CREBBP: variants seen among roughly 807,000 people sequenced by gnomAD.
The protein encoded by CREBBP is CREB-binding protein.
Under a neutral mutation model 265.0 loss-of-function variants are expected in CREBBP, and 19 were observed. That is an observed-to-expected ratio of 0.07 (90% CI 0.05 to 0.11). CREBBP has a LOEUF of 0.11. Ranked by LOEUF, CREBBP falls within the 10% of genes least tolerant of loss-of-function variation. The pLI is 1.00. For missense variants in CREBBP, 2,525 were observed against 3,219.0 expected (o/e 0.78, Z 5.22); for synonymous variants, 1,457 against 1,223.7 (o/e 1.19, Z -3.98).
intron 1 of CREBBP, 86 bp downstream of exon 1, chr16:3,879,746 T>G (rs2055485403): frequency 7.1e-7 from 1 of 1,407,316 alleles, no homozygotes; most frequent in Admixed American, 2.0e-5. Flanking sequence ...TCGATCGGTA[T>G]CCGCGACCAC....
intron 1 of CREBBP, among the ~76,000 whole-genome samples, chr16:3,875,359 T>C (rs1004269094): frequency 2.0e-5 from 3 of 152,180 alleles, no homozygotes; most frequent in African/African-American, 7.2e-5. Context: ...CCTAAAAGTC[T>C]CTATGACAAC....
chr16:3,864,892 C>A (rs1597077725), intron 1 of CREBBP, among the ~76,000 whole-genome samples: 1 of 152,340 alleles, frequency 6.6e-6, no homozygotes, highest in South Asian at 2.1e-4. Flanking sequence ...CATGGCAAAA[C>A]CCCTCCTTTA....
chr16:3,744,483 T>C (rs562189664), intron 23 of CREBBP, among the ~76,000 whole-genome samples: 4 of 152,318 alleles, frequency 2.6e-5, no homozygotes, highest in African/African-American at 9.6e-5. Context: ...AATGCTGACT[T>C]TCATATAACA....
At chr16:3,735,548 G>T (rs993092585) in intron 28 of CREBBP, among the ~76,000 whole-genome samples, 3 of 151,986 alleles carry the variant, frequency 2.0e-5, no homozygotes, top group Non-Finnish European at 4.4e-5. Context: ...CGCCTGCCTC[G>T]GCCTCCCAAA....
At chr16:3,809,343 A>C (rs1014047767) in intron 3 of CREBBP, among the ~76,000 whole-genome samples, 3 of 151,818 alleles carry the variant, frequency 2.0e-5, no homozygotes, top group African/African-American at 7.3e-5. Context: ...ATGCCCGGCT[A>C]ATTTTTGTAT....
intron 5 of CREBBP, among the ~76,000 whole-genome samples, chr16:3,786,370 C>T (rs1001098067): frequency 5.9e-5 from 9 of 151,852 alleles, no homozygotes; most frequent in African/African-American, 2.2e-4. Context: ...TCTCAAAAAA[C>T]AAAAGAAAAA....
intron 2 of CREBBP, among the ~76,000 whole-genome samples, chr16:3,843,795 CT>C (rs1295346397): frequency 6.6e-6 from 1 of 152,094 alleles, no homozygotes; most frequent in Non-Finnish European, 1.5e-5. Context: ...GGTGAAGTCT[CT>C]CAATTCTTCA....
chr16:3,779,620 GACCTATCA>G (rs1463188816), intron 8 of CREBBP, among the ~76,000 whole-genome samples: 1 of 152,144 alleles, frequency 6.6e-6, no homozygotes, highest in Non-Finnish European at 1.5e-5. Context: ...AGACAATCCT[GACCTATCA>G]ACTTATCTAC....
At chr16:3,743,054 A>C (rs914175823) in intron 23 of CREBBP, 1 of 152,250 alleles carries the variant, frequency 6.6e-6, no homozygotes, top group Admixed American at 6.5e-5. Context: ...TGCATTAGCG[A>C]ACTCACTCAG....
chr16:3,744,748 C>T, intron 23 of CREBBP, 146 bp downstream of exon 23: 2 of 717,076 alleles, frequency 2.8e-6, no homozygotes, highest in East Asian at 2.7e-5. Context: ...AAGAAAAATA[C>T]AAAGTACTGG....
rs770471203 is a variant in CREBBP at position 3,728,792 on chromosome 16, C to T, written c.6255G>A (p.Gln2085=). The T allele has an allele frequency of 7.4e-6, 12 of 1,613,764 alleles. No homozygotes were observed. The highest frequency in any genetic ancestry group is 6.8e-6 in the Non-Finnish European group (8 of 1,180,006). The change falls in exon 31 of 31, where the codon CAG becomes CAA. Residue 2085 remains glutamine (Q), a synonymous_variant. Transcript: ENST00000262367. This position sits in a 1 kb window ranked among gnomAD's most constrained non-coding sequence, Gnocchi z 8.7. ...KSPSSPQQQQ[Q]VLNILKSNPQ... ...GGTTTGATTTGAGAATGTTCAGCAC[C>T]TGCTGTTGCTGCTGAGGGGAGCTGG...
intron 2 of CREBBP, among the ~76,000 whole-genome samples, chr16:3,839,735 G>T (rs2054528664): frequency 8.3e-6 from 1 of 119,930 alleles, no homozygotes; most frequent in African/African-American, 3.1e-5. Flanking sequence ...GGAGGGGGAG[G>T]GAAGGGAGGG....
At chr16:3,851,746 C>T (rs950795817) in intron 1 of CREBBP, among the ~76,000 whole-genome samples, 9 of 147,980 alleles carry the variant, frequency 6.1e-5, no homozygotes, top group African/African-American at 2.2e-4. Context: ...CCCAGCTACT[C>T]GGGAGGCTGA....
intron 19 of CREBBP, among the ~76,000 whole-genome samples, chr16:3,755,941 C>T (rs887394769): frequency 2.6e-5 from 4 of 151,898 alleles, no homozygotes; most frequent in African/African-American, 9.7e-5. Context: ...GGCTTAGGAA[C>T]CTTTTTTGAG....
At chr16:3,856,731 C>T (rs2054972128) in intron 1 of CREBBP, among the ~76,000 whole-genome samples, 2 of 152,232 alleles carry the variant, frequency 1.3e-5, no homozygotes, top group South Asian at 4.1e-4. Context: ...TCCTTCCTTT[C>T]TGTCCAGGGC....
chr16:3,811,441 C>T (rs974649279), intron 2 of CREBBP, among the ~76,000 whole-genome samples: 2 of 152,184 alleles, frequency 1.3e-5, no homozygotes, highest in Admixed American at 6.5e-5. Context: ...TTGATGATGA[C>T]CCACTTTCAC....
intron 2 of CREBBP, among the ~76,000 whole-genome samples, chr16:3,822,410 T>G (rs1163897955): frequency 6.6e-6 from 1 of 152,080 alleles, no homozygotes; most frequent in Non-Finnish European, 1.5e-5. Context: ...CTAGTAAAAT[T>G]TAAAGGAGAA....
chr16:3,735,044 C>T (rs941334343), intron 28 of CREBBP, among the ~76,000 whole-genome samples: 1 of 151,990 alleles, frequency 6.6e-6, no homozygotes, highest in Non-Finnish European at 1.5e-5. Context: ...CCTACAGCTA[C>T]AGCCCACACC....
intron 23 of CREBBP, chr16:3,743,869 G>C (rs185804621): frequency 4.6e-5 from 7 of 152,304 alleles, no homozygotes; most frequent in African/African-American, 1.7e-4. Flanking sequence ...ACAAGGTCAA[G>C]AGATTGAGAC....
Sources: gnomAD v4.1 joint callset for allele counts (sites outside exome capture counted in the v4.1 genomes callset) on GRCh38, gnomAD v4.1.1 for gene constraint, Gnocchi (gnomAD v3.1) non-coding constraint, MANE v1.5 for transcripts, NCBI Gene and HGNC (gene_info 2026-07-23, HGNC 2026-07-21) for gene names.